Variants in HSPA14 observed in about 807,000 individuals in gnomAD.
The protein encoded by HSPA14 is heat shock 70 kDa protein 14.
A neutral mutation model predicts 65.5 loss-of-function variants in HSPA14; 37 were observed. The observed-to-expected ratio is 0.56, with a 90% CI of 0.43 to 0.74. The LOEUF (loss-of-function observed/expected upper bound fraction) is 0.74. Ranked by LOEUF, HSPA14 falls within the 30% of genes least tolerant of loss-of-function variation. The pLI, the probability that HSPA14 is intolerant of heterozygous loss-of-function variation, is 0.00. For synonymous variants in HSPA14, 203 were observed against 214.2 expected (o/e 0.95, Z 0.46); for missense variants, 564 against 607.6 (o/e 0.93, Z 0.75).
intron 13 of HSPA14, among the ~76,000 whole-genome samples, 199 bp downstream of exon 13, chr10:14,870,866 T>C (rs1002412744): frequency 6.6e-6 from 1 of 152,174 alleles, no homozygotes; most frequent in Non-Finnish European, 1.5e-5. Context: ...ATTTGCATCT[T>C]GAATATTTTA....
intron 1 of HSPA14, 67 bp from the exon 2 acceptor site, chr10:14,839,838 C>T: frequency 1.7e-6 from 2 of 1,148,226 alleles, no homozygotes; most frequent in Non-Finnish European, 2.5e-6. Flanking sequence ...CAAAGTAACA[C>T]TGGTGCACAA....
At chr10:14,840,492 T>C (rs1309767884) in intron 3 of HSPA14, among the ~76,000 whole-genome samples, 1 of 152,216 alleles carries the variant, frequency 6.6e-6, no homozygotes, top group Non-Finnish European at 1.5e-5. Context: ...TTATTGACAA[T>C]GTGGTTGAAT....
intron 12 of HSPA14, among the ~76,000 whole-genome samples, chr10:14,870,298 T>C (rs1832843364): frequency 6.6e-6 from 1 of 152,200 alleles, no homozygotes; most frequent in African/African-American, 2.4e-5. Context: ...GTAGCCTTTA[T>C]TTTCCAAGAT....
intron 10 of HSPA14, among the ~76,000 whole-genome samples, chr10:14,862,119 C>T (rs924058820): frequency 2.0e-5 from 3 of 150,324 alleles, no homozygotes; most frequent in Admixed American, 6.6e-5. Flanking sequence ...CTCTGCCTGC[C>T]GTGTTCACGC....
chr10:14,868,243 TG>T (rs1832823971), intron 12 of HSPA14, among the ~76,000 whole-genome samples: 1 of 152,180 alleles, frequency 6.6e-6, no homozygotes, highest in Non-Finnish European at 1.5e-5. Context: ...GTTTTACAGA[TG>T]ATTAAGAAGT....
chr10:14,851,687 G>A (rs1834109797), intron 7 of HSPA14, among the ~76,000 whole-genome samples: 1 of 152,156 alleles, frequency 6.6e-6, no homozygotes, highest in East Asian at 1.9e-4. Flanking sequence ...CATTTGACAG[G>A]GCAGGAGATG....
At chr10:14,843,037 A>G (rs971830026) in intron 3 of HSPA14, among the ~76,000 whole-genome samples, 15 of 152,226 alleles carry the variant, frequency 9.9e-5, no homozygotes, top group African/African-American at 3.6e-4. Context: ...CCCTGGCAAC[A>G]TAAGGTATTA....
intron 12 of HSPA14, among the ~76,000 whole-genome samples, chr10:14,869,710 G>A (rs1007330193): frequency 2.0e-5 from 3 of 152,180 alleles, no homozygotes; most frequent in Non-Finnish European, 4.4e-5. Context: ...TTTTAAAAGC[G>A]CTTCCACATG....
In HSPA14 at chr10:14,867,091, T is replaced by C. The variant is rs1304961325; in HGVS notation, c.1002T>C (p.Leu334=). The change falls in exon 11 of 14, where the codon CTT becomes CTC. Residue 334 remains leucine (L), a synonymous_variant. Transcript: ENST00000378372. ...TTATTTTTATTCTCTAGGTTGTCCT[T>C]TGTGGAGGGTCTTCTCGAATCCCAA... The part of the protein sequence containing the change: ...FTADDINKVV[L]CGGSSRIPKL... 2 of 1,611,450 alleles carry C rather than the reference T, an allele frequency of 1.2e-6. No homozygotes were observed. The highest frequency in any genetic ancestry group is 2.7e-5 in the African/African-American group (2 of 74,898).
At chr10:14,854,305 T>C (rs1834130362) in intron 9 of HSPA14, 25 bp downstream of exon 9, 7 of 1,550,310 alleles carry the variant, frequency 4.5e-6, no homozygotes, top group South Asian at 2.4e-5. Flanking sequence ...CAAAAAACTT[T>C]TTTAAAAAAT....
chr10:14,865,223 C>A (rs1431655454), intron 10 of HSPA14, among the ~76,000 whole-genome samples: 1 of 152,046 alleles, frequency 6.6e-6, no homozygotes, highest in Admixed American at 6.6e-5. Flanking sequence ...TGGATATTAG[C>A]CCTTTGTCAG....
intron 10 of HSPA14, among the ~76,000 whole-genome samples, chr10:14,861,360 C>G (rs1484312925): frequency 6.6e-6 from 1 of 152,176 alleles, no homozygotes; most frequent in Non-Finnish European, 1.5e-5. Context: ...ATAAAACAAA[C>G]AGAAGCCCAG....
chr10:14,859,881 A>G (rs1244410008), intron 10 of HSPA14, among the ~76,000 whole-genome samples: 1 of 152,048 alleles, frequency 6.6e-6, no homozygotes, highest in Non-Finnish European at 1.5e-5. Flanking sequence ...TTTTTCAGAG[A>G]GCTTTAGAAT....
chr10:14,843,480 C>G (rs1318978119), intron 3 of HSPA14: 1 of 1,550,516 alleles, frequency 6.4e-7, no homozygotes, highest in Non-Finnish European at 8.7e-7. Context: ...CCGGGGAGCC[C>G]AGCCCCTGCA....
At chr10:14,854,803 A>G (rs1386308545) in intron 9 of HSPA14, among the ~76,000 whole-genome samples, 3 of 152,188 alleles carry the variant, frequency 2.0e-5, no homozygotes, top group Admixed American at 2.0e-4. Context: ...ACTGCCCAAT[A>G]AAAGAGCCAC....
chr10:14,849,646 T>C, intron 5 of HSPA14, 75 bp from the exon 6 acceptor site: 1 of 1,176,038 alleles, frequency 8.5e-7, no homozygotes. Context: ...ATCTTTGTCA[T>C]AAATTAATAA....
At chr10:14,871,001 G>C (rs909672146) in intron 13 of HSPA14, among the ~76,000 whole-genome samples, 1 of 152,076 alleles carries the variant, frequency 6.6e-6, no homozygotes, top group Admixed American at 6.5e-5. Flanking sequence ...CCCTATGAAA[G>C]GGTAAGTTTC....
intron 13 of HSPA14, 82 bp from the exon 14 acceptor site, chr10:14,871,446 A>C: frequency 1.3e-6 from 1 of 769,974 alleles, no homozygotes; most frequent in Non-Finnish European, 2.2e-6. Context: ...TGTTTACTGA[A>C]AGCCCTCAAG....
intron 3 of HSPA14, chr10:14,843,427 G>C: frequency 6.4e-7 from 1 of 1,550,828 alleles, no homozygotes; most frequent in Non-Finnish European, 8.7e-7. Flanking sequence ...CAGAGGTGCA[G>C]TTGCTCCCTG....
Sources: allele counts gnomAD v4.1 joint callset (sites outside exome capture counted in the v4.1 genomes callset), GRCh38; gene constraint gnomAD v4.1.1; transcripts MANE v1.5; gene names NCBI Gene and HGNC (gene_info 2026-07-23, HGNC 2026-07-21).